Variants in TRPC4AP observed in about 807,000 individuals in gnomAD.
TRPC4AP encodes the protein transient receptor potential cation channel subfamily C member 4 associated protein, also known as short transient receptor potential channel 4-associated protein.
In TRPC4AP, 45 loss-of-function variants were observed where a neutral mutation model predicts 99.0. The ratio of observed to expected loss-of-function variants is 0.45; its 90% CI spans 0.36 to 0.58. The LOEUF is 0.58. Among genes scored for constraint, TRPC4AP ranks in the 20% least tolerant of loss-of-function variants. The probability of loss-of-function intolerance (pLI) is 0.00; values close to 1 mark genes in which losing one functional copy is unlikely to be tolerated. For missense variants in TRPC4AP, 879 were observed against 985.3 expected (o/e 0.89, Z 1.44); for synonymous variants, 408 against 385.8 (o/e 1.06, Z -0.67).
At chr20:35,070,307 C>G (rs945746576) in intron 2 of TRPC4AP, among the ~76,000 whole-genome samples, 2 of 152,146 alleles carry the variant, frequency 1.3e-5, no homozygotes, top group South Asian at 4.1e-4. Context: ...TGCAGGAAGT[C>G]TTCTTGATTT....
In TRPC4AP at chr20:35,092,683, C is replaced by A. The variant is rs777242983; in HGVS notation, c.99G>T (p.Arg33=). The change falls in exon 1 of 19, where the codon CGG becomes CGT. Residue 33 remains arginine, a synonymous_variant. Coordinates refer to ENST00000252015, the MANE Select transcript of TRPC4AP (RefSeq NM_015638.3). ...GCAGCTGCAGCAGAATGTTACCAGG[C>A]CGCGGCCGGCCGCCCCATCCGCCCC... ...AAWGGWGGRP[R]PGNILLQLRQ... is the part of the protein sequence containing the mutation. The A allele has an allele frequency of 6.5e-7, 1 of 1,530,368 alleles. No homozygotes were observed. The allele number at this position is 1,530,368 out of a possible 1,614,324, so 94.8% of individuals were successfully genotyped here. A position where few individuals can be genotyped will look rare whatever the true frequency, so the allele number is the denominator to read the frequency against.
intron 5 of TRPC4AP, among the ~76,000 whole-genome samples, chr20:35,054,290 T>C (rs1488811362): frequency 2.6e-5 from 4 of 152,164 alleles, no homozygotes; most frequent in South Asian, 4.1e-4. Flanking sequence ...CAGTTTATCA[T>C]AAGTTTCTAA....
At chr20:35,052,039 A>G (rs2083712201) in intron 5 of TRPC4AP, among the ~76,000 whole-genome samples, 1 of 152,080 alleles carries the variant, frequency 6.6e-6, no homozygotes, top group Non-Finnish European at 1.5e-5. Context: ...GGTTGTATGC[A>G]ACTACATTTT....
In TRPC4AP at chr20:35,016,109, T is replaced by C. The variant is rs1443763128; in HGVS notation, c.1249A>G (p.Ile417Val). 1 of 1,614,056 alleles carries C rather than the reference T, an allele frequency of 6.2e-7. No homozygotes were observed. The highest frequency in any genetic ancestry group is 8.5e-7 in the Non-Finnish European group (1 of 1,180,040). The change falls in exon 10 of 19, where the codon ATC (isoleucine) becomes GTC (valine). Residue 417 changes from isoleucine (I) to valine (V), a missense_variant. Physicochemically the swap from Ile to Val is conservative, Grantham distance 29. This residue lies in a region of TRPC4AP where 603 missense variants were observed against 631.8 expected (regional missense o/e 0.95). Transcript: ENST00000252015. Reference sequence around the variant, plus strand: ...TCAAACAAATTATTAAGTCCAGGGATCAGCTTGAACTCTGCAATCATTCTG... The same window carrying C: ...TCAAACAAATTATTAAGTCCAGGGACCAGCTTGAACTCTGCAATCATTCTG... ...VHRMIAEFKLIPGLNNLFDKL... is the reference protein window; with the variant it reads ...VHRMIAEFKLVPGLNNLFDKL...
At chr20:35,056,816 C>CT (rs1350298210) in intron 4 of TRPC4AP, among the ~76,000 whole-genome samples, 1 of 149,202 alleles carries the variant, frequency 6.7e-6, no homozygotes, top group Admixed American at 6.7e-5. Context: ...CCCATCTCTA[C>CT]TAAAAAAAAA....
chr20:35,055,944 T>C (rs1304789676), intron 4 of TRPC4AP, among the ~76,000 whole-genome samples: 2 of 152,256 alleles, frequency 1.3e-5, no homozygotes, highest in African/African-American at 4.8e-5. Context: ...ATGATGAAAC[T>C]GAGTATGAAC....
chr20:35,067,910 G>C (rs986391064), intron 3 of TRPC4AP, among the ~76,000 whole-genome samples: 3 of 152,128 alleles, frequency 2.0e-5, no homozygotes, highest in Admixed American at 6.5e-5. Flanking sequence ...TTGAGGTGAT[G>C]AAAATGCTCT....
At chr20:35,014,550 A>C (rs1412543854) in intron 10 of TRPC4AP, among the ~76,000 whole-genome samples, 1 of 152,216 alleles carries the variant, frequency 6.6e-6, no homozygotes, top group Non-Finnish European at 1.5e-5. Context: ...TATTTTAAAA[A>C]TGATTAAAAA....
intron 12 of TRPC4AP, among the ~76,000 whole-genome samples, chr20:35,009,429 G>A (rs982137375): frequency 6.6e-6 from 1 of 152,124 alleles, no homozygotes; most frequent in Middle Eastern, 3.2e-3. Flanking sequence ...CTCACTTGAG[G>A]CCAGGAGTTC....
In TRPC4AP at chr20:35,068,962, C is replaced by CA. The variant is rs72350296; in HGVS notation, c.414+333dup. Among the ~76,000 whole-genome samples, 460 of 59,446 alleles carry CA rather than the reference C, an allele frequency of 7.7e-3. 4 individuals carry two copies. The highest frequency in any genetic ancestry group is 0.051 in the East Asian group (109 of 2,150). 39.0% of individuals were successfully genotyped at this position (59,446 alleles called of 152,430 possible). On this transcript the variant is annotated intron_variant, in intron 3 of 18. Coordinates refer to ENST00000252015, the MANE Select transcript of TRPC4AP (RefSeq NM_015638.3). ...GGGAATATTTACACACACACACACA[C>CA]ACACACACACACACACAAAAAAAAC...
chr20:35,077,012 A>T (rs2084498153), intron 2 of TRPC4AP, among the ~76,000 whole-genome samples: 1 of 152,198 alleles, frequency 6.6e-6, no homozygotes, highest in African/African-American at 2.4e-5. Context: ...TTGATCTCAG[A>T]CTGCTGTGCT....
chr20:35,009,068 G>A (rs1356682222), intron 12 of TRPC4AP, among the ~76,000 whole-genome samples: 1 of 152,212 alleles, frequency 6.6e-6, no homozygotes, highest in Non-Finnish European at 1.5e-5. Context: ...CAGTCTGCCA[G>A]ATGGGGAAAG....
intron 8 of TRPC4AP, among the ~76,000 whole-genome samples, chr20:35,032,940 C>T (rs1407337511): frequency 5.9e-5 from 9 of 152,128 alleles, no homozygotes; most frequent in Admixed American, 3.3e-4. Context: ...TGGTAGCTCA[C>T]GCCTGTAATC....
chr20:35,010,376 CTTCCT>C, intron 11 of TRPC4AP, 88 bp from the exon 12 acceptor site: 4 of 1,073,536 alleles, frequency 3.7e-6, no homozygotes, highest in Non-Finnish European at 5.6e-6. Context: ...CTCCTGCCCA[CTTCCT>C]GTGGACAGAA....
At chr20:35,057,163 G>A (rs2083853457) in intron 4 of TRPC4AP, among the ~76,000 whole-genome samples, 6 of 151,898 alleles carry the variant, frequency 4.0e-5, no homozygotes, top group Admixed American at 3.3e-4. Flanking sequence ...CAAAGAGCAT[G>A]TATCACCTTT....
intron 9 of TRPC4AP, among the ~76,000 whole-genome samples, chr20:35,017,076 C>T (rs2082772238): frequency 6.6e-6 from 1 of 152,142 alleles, no homozygotes; most frequent in African/African-American, 2.4e-5. Flanking sequence ...TCCATATAAA[C>T]ACTAAATGAT....
At chr20:35,050,513 G>C (rs573165067) in intron 5 of TRPC4AP, among the ~76,000 whole-genome samples, 2 of 152,142 alleles carry the variant, frequency 1.3e-5, no homozygotes, top group African/African-American at 4.8e-5. Context: ...CCAGGAGTTC[G>C]AGACCAGCCT....
At chr20:35,017,784 T>C (rs1218660685) in intron 9 of TRPC4AP, among the ~76,000 whole-genome samples, 2 of 152,208 alleles carry the variant, frequency 1.3e-5, no homozygotes, top group Admixed American at 6.5e-5. Flanking sequence ...TTAGGTTGTG[T>C]AAAAGTAATT....
At chr20:35,023,603 T>C (rs1361515569) in intron 8 of TRPC4AP, among the ~76,000 whole-genome samples, 1 of 152,214 alleles carries the variant, frequency 6.6e-6, no homozygotes, top group Non-Finnish European at 1.5e-5. Context: ...AGTTACTCAA[T>C]TTCCATGTTA....
Sources: allele counts gnomAD v4.1 joint callset (sites outside exome capture counted in the v4.1 genomes callset), GRCh38; gene constraint gnomAD v4.1.1; regional missense constraint gnomAD v4.1.1; transcripts MANE v1.5; gene names NCBI Gene and HGNC (gene_info 2026-07-23, HGNC 2026-07-21).